The following MB variants were observed in gnomAD, a reference collection of about 807,000 sequenced individuals.
The protein encoded by MB is nitrite reductase MB.
A neutral mutation model predicts 14.5 loss-of-function variants in MB; 10 were observed. The ratio of observed to expected loss-of-function variants is 0.69; its 90% confidence interval spans 0.43 to 1.17. The LOEUF (loss-of-function observed/expected upper bound fraction) is 1.17, where lower values mean the gene tolerates loss of function less well. MB is among the 50% of genes most tolerant of loss of function. The probability of loss-of-function intolerance (pLI) is 0.00; values close to 1 mark genes in which losing one functional copy is unlikely to be tolerated. For missense variants in MB, 169 were observed against 192.7 expected, an observed-to-expected ratio of 0.88 and a Z score of 0.73; for synonymous variants, 89 against 78.6, an observed-to-expected ratio of 1.13 and a Z score of -0.70.
intron 1 of MB, among the ~76,000 whole-genome samples, chr22:35,612,915 C>A (rs186543174): frequency 3.8e-4 from 58 of 152,262 alleles, no homozygotes; most frequent in African/African-American, 1.3e-3. Context: ...TCCCAGCACA[C>A]GCCATACTCA....
At chr22:35,614,945 A>G (rs1922953460) in intron 1 of MB, among the ~76,000 whole-genome samples, 1 of 152,186 alleles carries the variant, frequency 6.6e-6, no homozygotes, top group African/African-American at 2.4e-5. Context: ...AAAACAAAAA[A>G]GGTTTGAGTA....
At chr22:35,618,409 G>A (rs1923239046), upstream of MB, among the ~76,000 whole-genome samples, 1 of 152,166 alleles carries the variant, frequency 6.6e-6, no homozygotes, top group Non-Finnish European at 1.5e-5. Context: ...AGAGAGTGGA[G>A]GATGATTAGC....
chr22:35,618,750 A>C (rs1923263205), upstream of MB, among the ~76,000 whole-genome samples: 1 of 150,352 alleles, frequency 6.7e-6, no homozygotes, highest in African/African-American at 2.5e-5. Flanking sequence ...CCATCTATCC[A>C]TCCATCCATG....
chr22:35,610,850 C>CGCATCCT, intron 2 of MB, 34 bp downstream of exon 2: 1 of 1,554,344 alleles, frequency 6.4e-7, no homozygotes, highest in Non-Finnish European at 8.7e-7. Flanking sequence ...AGGCCTTCCC[C>CGCATCCT]GCATCCTCCC....
At chr22:35,617,486 G>A, upstream of MB, 2 of 558,656 alleles carry the variant, frequency 3.6e-6, no homozygotes, top group South Asian at 2.2e-5. Flanking sequence ...CACATGGGAA[G>A]CTATTTTAGG....
intron 1 of MB, among the ~76,000 whole-genome samples, chr22:35,612,159 C>G (rs1177394219): frequency 2.0e-5 from 3 of 152,208 alleles, no homozygotes; most frequent in Non-Finnish European, 4.4e-5. Flanking sequence ...TCTCTCCTGT[C>G]TAATGGTTTC....
intron 1 of MB, among the ~76,000 whole-genome samples, chr22:35,613,350 T>C (rs895231182): frequency 4.6e-5 from 7 of 152,240 alleles, no homozygotes; most frequent in African/African-American, 1.7e-4. Context: ...CCGGTCCCAG[T>C]TCTGGCGCCA....
chr22:35,621,412 G>C (rs1322409367), upstream of MB, among the ~76,000 whole-genome samples: 1 of 152,094 alleles, frequency 6.6e-6, no homozygotes, highest in Non-Finnish European at 1.5e-5. Context: ...AAATTCTAGA[G>C]TGTCAAAGTC....
chr22:35,610,904 T>A lies in MB; in HGVS notation c.298A>T (p.Ile100Phe), dbSNP rs755510724. The change falls in exon 2 of 3, where the codon ATC (isoleucine) becomes TTC (phenylalanine). Residue 100 changes from isoleucine (I) to phenylalanine (F), a missense_variant. Coordinates refer to ENST00000397326, the MANE Select transcript of MB (RefSeq NM_005368.3). ...LAQSHATKHKIPVKYLEFISE... is the reference protein window; with the variant it reads ...LAQSHATKHKFPVKYLEFISE... ...CCTACCTCCAGGTACTTCACGGGGA[T>A]CTTGTGCTTGGTGGCATGCGACTGT... 26 of 1,614,058 alleles carry A rather than the reference T, an allele frequency of 1.6e-5. No homozygotes were observed. The highest frequency in any genetic ancestry group is 2.1e-5 in the Non-Finnish European group (25 of 1,179,972).
chr22:35,622,756 G>C (rs922190573), intron 1 of MB, among the ~76,000 whole-genome samples: 18 of 152,084 alleles, frequency 1.2e-4, no homozygotes, highest in Admixed American at 4.6e-4. Flanking sequence ...GCTCCGAGTG[G>C]CTCCTCCAGC....
intron 1 of MB, among the ~76,000 whole-genome samples, chr22:35,613,378 G>C (rs1922802252): frequency 6.6e-6 from 1 of 152,228 alleles, no homozygotes. Context: ...CTGTGATGTT[G>C]AAGTCACTTA....
intron 1 of MB, among the ~76,000 whole-genome samples, chr22:35,612,805 A>G (rs962006192): frequency 7.9e-5 from 12 of 152,338 alleles, no homozygotes; most frequent in African/African-American, 2.9e-4. Flanking sequence ...ATGGACATGT[A>G]TCAACACCTC....
At chr22:35,620,337 AAAAG>A (rs1923383808), upstream of MB, among the ~76,000 whole-genome samples, 1 of 152,138 alleles carries the variant, frequency 6.6e-6, no homozygotes, top group Non-Finnish European at 1.5e-5. Context: ...CAAAAAGAAA[AAAAG>A]AAGCCATGGG....
intron 1 of MB, among the ~76,000 whole-genome samples, chr22:35,613,266 C>A (rs2145917628): frequency 6.6e-6 from 1 of 152,360 alleles, no homozygotes. Context: ...GGGTCTCAGA[C>A]ATTTTGGGGC....
At chr22:35,615,511 T>C (rs1198214812) in intron 1 of MB, 1 of 152,256 alleles carries the variant, frequency 6.6e-6, no homozygotes, top group Non-Finnish European at 1.5e-5. Flanking sequence ...GTCACTGCCT[T>C]AGGTCTGGCA....
upstream of MB, among the ~76,000 whole-genome samples, chr22:35,618,953 C>A (rs1923285131): frequency 6.6e-6 from 1 of 151,474 alleles, no homozygotes; most frequent in African/African-American, 2.4e-5. Flanking sequence ...TCCATCCACC[C>A]ATTCCCTCAT....
rs372957607 is a variant in MB at position 35,610,950 on chromosome 22, C to T, written c.252G>A (p.Glu84=). The change falls in exon 2 of 3, where the codon GAG becomes GAA. Residue 84 remains glutamate, a synonymous_variant. Transcript: ENST00000397326. The part of the protein sequence containing the change: ...GGILKKKGHH[E]AEIKPLAQSH... ...ACTGTGCCAGGGGCTTAATCTCTGC[C>T]TCATGATGCCCCTTCTTCTTAAGGA... is the stretch of plus-strand genomic sequence containing the variant. 3 of 1,614,226 alleles carry T rather than the reference C, an allele frequency of 1.9e-6. No individual in the cohort carries two copies. The highest frequency in any genetic ancestry group is 2.5e-6 in the Non-Finnish European group (3 of 1,180,034).
chr22:35,619,177 C>CA (rs1923304673), upstream of MB, among the ~76,000 whole-genome samples: 1 of 152,340 alleles, frequency 6.6e-6, no homozygotes, highest in East Asian at 1.9e-4. Context: ...TCAAGGAACT[C>CA]AGAGTCTTTT....
At chr22:35,616,294 C>A (rs1233799642) in intron 1 of MB, among the ~76,000 whole-genome samples, 1 of 152,130 alleles carries the variant, frequency 6.6e-6, no homozygotes, top group African/African-American at 2.4e-5. Context: ...CTTCTATGTA[C>A]AAACCACAGC....
Sources: gnomAD v4.1 joint callset for allele counts (sites outside exome capture counted in the v4.1 genomes callset) on GRCh38, gnomAD v4.1.1 for gene constraint, MANE v1.5 for transcripts, NCBI Gene and HGNC (gene_info 2026-07-23, HGNC 2026-07-21) for gene names.